Variants in CTNNA3 observed in about 807,000 individuals in gnomAD.
The protein encoded by CTNNA3 is catenin alpha 3, also known as catenin alpha-3.
A neutral mutation model predicts 95.7 loss-of-function variants in CTNNA3; 76 were observed. The ratio of observed to expected loss-of-function variants is 0.79; its 90% CI spans 0.66 to 0.96. The LOEUF is 0.96. Among genes scored for constraint, CTNNA3 ranks in the 40% least tolerant of loss-of-function variants. The probability of loss-of-function intolerance (pLI) is 0.00; values close to 1 mark genes in which losing one functional copy is unlikely to be tolerated. For missense variants in CTNNA3, 1,191 were observed against 1,089.8 expected (o/e 1.09, Z -1.31); for synonymous variants, 431 against 374.4 (o/e 1.15, Z -1.74).
intron 7 of CTNNA3, among the ~76,000 whole-genome samples, chr10:66,940,350 C>T (rs188171472): frequency 9.9e-5 from 15 of 152,062 alleles, no homozygotes; most frequent in African/African-American, 3.6e-4. Context: ...AAAAAAATTA[C>T]CTGGGTGTGA....
chr10:66,902,321 C>T (rs1034364974), intron 7 of CTNNA3, among the ~76,000 whole-genome samples: 1 of 152,146 alleles, frequency 6.6e-6, no homozygotes, highest in Admixed American at 6.5e-5. Context: ...TAAAGATGTT[C>T]TTTAAAACCA....
intron 10 of CTNNA3, among the ~76,000 whole-genome samples, chr10:66,538,608 A>G (rs1039578219): frequency 6.6e-6 from 1 of 152,156 alleles, no homozygotes; most frequent in African/African-American, 2.4e-5. Flanking sequence ...TGAATCAGGC[A>G]TTTGAGACTT....
At chr10:66,053,207 T>G (rs1358618793) in intron 15 of CTNNA3, among the ~76,000 whole-genome samples, 1 of 137,580 alleles carries the variant, frequency 7.3e-6, no homozygotes, top group African/African-American at 2.5e-5. Flanking sequence ...AATAACTATT[T>G]TATTTTTGTT....
intron 13 of CTNNA3, among the ~76,000 whole-genome samples, chr10:66,254,939 T>G (rs2090702587): frequency 6.6e-6 from 1 of 152,190 alleles, no homozygotes; most frequent in Admixed American, 6.5e-5. Context: ...CTGAGTGCAC[T>G]CCTTGGTATT....
chr10:67,162,188 C>T (rs1409147712), intron 7 of CTNNA3, among the ~76,000 whole-genome samples: 2 of 152,012 alleles, frequency 1.3e-5, no homozygotes, highest in Non-Finnish European at 2.9e-5. Context: ...TTCTAGTCAA[C>T]ATTTTATAGA....
At position 66,127,771 on chromosome 10, in the gene CTNNA3, T is replaced by G. The variant is rs2082893325; in HGVS notation, c.1885-24522A>C. On this transcript the variant is annotated intron_variant, in intron 13 of 17. Coordinates refer to ENST00000433211, the MANE Select transcript of CTNNA3 (RefSeq NM_013266.4). ...AAGGGTATAAGCCATATGGGAACGC[T>G]ATGTTCTATCTTCTCAATTATTCTG... is the stretch of plus-strand genomic sequence containing the variant. Among the ~76,000 whole-genome samples the G allele has an allele frequency of 2.0e-5, 3 of 152,228 alleles. No individual in the cohort carries two copies. The South Asian group carries it at 6.2e-4, about 31-fold the overall frequency.
intron 7 of CTNNA3, among the ~76,000 whole-genome samples, chr10:66,786,137 C>G (rs1840730146): frequency 6.6e-6 from 1 of 152,138 alleles, no homozygotes; most frequent in South Asian, 2.1e-4. Context: ...TGGGAGTGGG[C>G]AGAGCTCCCT....
At chr10:67,061,601 T>C (rs1046993977) in intron 7 of CTNNA3, among the ~76,000 whole-genome samples, 3 of 152,168 alleles carry the variant, frequency 2.0e-5, no homozygotes, top group Non-Finnish European at 4.4e-5. Flanking sequence ...CTGTGAATTG[T>C]AGCAATGTTT....
intron 10 of CTNNA3, among the ~76,000 whole-genome samples, chr10:66,583,734 T>G (rs1220312522): frequency 1.3e-5 from 2 of 151,966 alleles, no homozygotes; most frequent in African/African-American, 4.8e-5. Flanking sequence ...AGGTATGTTT[T>G]TTTCTTATTT....
At chr10:66,481,314 A>C (rs10997167) in intron 11 of CTNNA3, among the ~76,000 whole-genome samples, 9,398 of 152,144 alleles carry the variant, frequency 0.062, 601 homozygotes, top group African/African-American at 0.16. Flanking sequence ...TTATTTAAAA[A>C]TCAGATATTA....
intron 5 of CTNNA3, among the ~76,000 whole-genome samples, chr10:67,235,751 T>C (rs1865422272): frequency 6.9e-6 from 1 of 144,094 alleles, no homozygotes; most frequent in African/African-American, 2.7e-5. Context: ...GAGAAAATTT[T>C]TGCAATCTAC....
intron 10 of CTNNA3, among the ~76,000 whole-genome samples, chr10:66,561,815 A>G (rs1317662608): frequency 6.6e-6 from 1 of 151,644 alleles, no homozygotes; most frequent in Non-Finnish European, 1.5e-5. Context: ...GGATTTTTAC[A>G]CCCATTTTTT....
rs142701951 is a variant in CTNNA3 at position 65,937,847 on chromosome 10, A to G, written c.2401-17230T>C. On this transcript the variant is annotated intron_variant, in intron 17 of 17. Coordinates refer to ENST00000433211, the MANE Select transcript of CTNNA3 (RefSeq NM_013266.4). ...TTTTTTTCTTTGATTCTGTGAATCT[A>G]ATAGATCATGACACTTTGCAAGCAG... 1.6e-3 allele frequency among the ~76,000 whole-genome samples: 241 copies of G among 152,256 alleles called. 1 individual carries two copies. The highest frequency in any genetic ancestry group is 5.4e-3 in the African/African-American group (226 of 41,562).
intron 13 of CTNNA3, among the ~76,000 whole-genome samples, chr10:66,203,311 A>G (rs937322164): frequency 5.3e-5 from 8 of 152,204 alleles, no homozygotes; most frequent in Non-Finnish European, 1.2e-4. Context: ...TTATAAAATG[A>G]GCAAGATTGT....
rs571130989 is a variant in CTNNA3 at position 66,172,693 on chromosome 10, T to G, written c.1885-69444A>C. Among the ~76,000 whole-genome samples, 90 of 152,266 alleles carry G rather than the reference T, an allele frequency of 5.9e-4. 1 individual carries two copies. In the South Asian group the frequency reaches 0.018, roughly 31 times the overall value. ...AAGCAATCACCTTCAGAAGAATTCA[T>G]ATACAGTGAAGAAGAAAATGGTCCT... On this transcript the variant is annotated intron_variant, in intron 13 of 17. Coordinates refer to ENST00000433211, the MANE Select transcript of CTNNA3 (RefSeq NM_013266.4).
At chr10:66,039,171 A>G (rs897866253) in intron 15 of CTNNA3, among the ~76,000 whole-genome samples, 3 of 152,326 alleles carry the variant, frequency 2.0e-5, no homozygotes, top group Middle Eastern at 3.4e-3. Context: ...TAAAAGACCT[A>G]GGAATACAGG....
intron 13 of CTNNA3, among the ~76,000 whole-genome samples, chr10:66,116,164 T>C (rs540242995): frequency 6.6e-6 from 1 of 152,354 alleles, no homozygotes; most frequent in South Asian, 2.1e-4. Context: ...TACATCATTG[T>C]ATAAGATGTA....
chr10:67,024,525 C>T (rs1853231445), intron 7 of CTNNA3, among the ~76,000 whole-genome samples: 1 of 152,104 alleles, frequency 6.6e-6, no homozygotes, highest in Non-Finnish European at 1.5e-5. Flanking sequence ...ATTATTTGGC[C>T]TACCATAAGA....
intron 15 of CTNNA3, among the ~76,000 whole-genome samples, chr10:66,024,532 C>A (rs963867755): frequency 6.6e-6 from 1 of 152,174 alleles, no homozygotes; most frequent in Non-Finnish European, 1.5e-5. Flanking sequence ...GTGTACTGAT[C>A]TTTACACATA....
Sources: gnomAD v4.1 joint callset for allele counts (sites outside exome capture counted in the v4.1 genomes callset) on GRCh38, gnomAD v4.1.1 for gene constraint, MANE v1.5 for transcripts, NCBI Gene and HGNC (gene_info 2026-07-23, HGNC 2026-07-21) for gene names.